The following SFXN1 variants were observed in gnomAD, a reference collection of about 807,000 sequenced individuals.
The protein encoded by SFXN1 is sideroflexin-1.
SFXN1 carries 32 observed loss-of-function variants against 39.5 expected under a neutral mutation model. The ratio of observed to expected loss-of-function variants is 0.81; its 90% CI spans 0.61 to 1.09. The LOEUF is 1.09. Among genes scored for constraint, SFXN1 ranks in the 50% least tolerant of loss-of-function variants. The probability of loss-of-function intolerance (pLI) is 0.00; values close to 1 mark genes in which losing one functional copy is unlikely to be tolerated. For missense variants in SFXN1, 402 were observed against 407.1 expected, an observed-to-expected ratio of 0.99 and a Z score of 0.11; for synonymous variants, 136 against 146.5, an observed-to-expected ratio of 0.93 and a Z score of 0.52.
At chr5:175,501,962 T>A (rs1271692262) in intron 2 of SFXN1, among the ~76,000 whole-genome samples, 1 of 152,168 alleles carries the variant, frequency 6.6e-6, no homozygotes, top group Non-Finnish European at 1.5e-5. Flanking sequence ...CCCGACTGAT[T>A]CGGTGATCAG....
intron 1 of SFXN1, among the ~76,000 whole-genome samples, chr5:175,488,551 G>C (rs184433792): frequency 1.3e-5 from 2 of 151,974 alleles, no homozygotes; most frequent in East Asian, 1.9e-4. Flanking sequence ...CGCCCGCCTC[G>C]GCCTTCCAAA....
At chr5:175,499,002 C>T (rs267363) in intron 2 of SFXN1, among the ~76,000 whole-genome samples, 10,584 of 152,250 alleles carry the variant, frequency 0.07, 1,231 homozygotes, top group African/African-American at 0.24. Context: ...CGCCTGTAAT[C>T]CCAGCACTTT....
chr5:175,479,654 A>G (rs935873835), intron 1 of SFXN1, among the ~76,000 whole-genome samples: 1 of 152,170 alleles, frequency 6.6e-6, no homozygotes, highest in Non-Finnish European at 1.5e-5. Flanking sequence ...TCCCCTGCGC[A>G]TAACAATTGC....
At chr5:175,525,805 G>A (rs1761041162) in intron 10 of SFXN1, 2 of 151,930 alleles carry the variant, frequency 1.3e-5, no homozygotes, top group Admixed American at 1.3e-4. Context: ...CAAAAATTTG[G>A]GTCTCACCAG....
At chr5:175,506,579 A>G (rs1760307364) in intron 2 of SFXN1, among the ~76,000 whole-genome samples, 1 of 152,234 alleles carries the variant, frequency 6.6e-6, no homozygotes, top group Non-Finnish European at 1.5e-5. Flanking sequence ...GAAGCAATTA[A>G]TATGCCCAAC....
intron 8 of SFXN1, among the ~76,000 whole-genome samples, chr5:175,519,398 A>G (rs901968559): frequency 6.6e-6 from 1 of 152,240 alleles, no homozygotes; most frequent in Non-Finnish European, 1.5e-5. Flanking sequence ...ACGAATATTC[A>G]TAGCAGCTTT....
rs770616083 is a variant in SFXN1, at chr5:175,524,549, GA to G, written c.873-2088del. 1.4e-3 allele frequency among the ~76,000 whole-genome samples: 218 copies of G among 151,416 alleles called. 1 individual carries two copies. Among genetic ancestry groups the G allele is most frequent in the Non-Finnish European group, 1.9e-3 (131 of 67,910 alleles). On this transcript the variant is annotated intron_variant, in intron 10 of 10. Coordinates refer to ENST00000321442, the MANE Select transcript of SFXN1 (RefSeq NM_022754.7). ...AAGCAGCAAATGTGTTGCTTTGAGA[GA>G]TATTTATAGCTTTAAATGTTTATAT...
chr5:175,524,496 G>A (rs1332268621), intron 10 of SFXN1, among the ~76,000 whole-genome samples: 1 of 151,884 alleles, frequency 6.6e-6, no homozygotes, highest in East Asian at 1.9e-4. Context: ...AAGTGATAAT[G>A]AAAACATTCT....
intron 1 of SFXN1, among the ~76,000 whole-genome samples, chr5:175,488,305 C>CT (rs541900398): frequency 0.014 from 2,010 of 143,218 alleles, 23 homozygotes; most frequent in African/African-American, 0.026. Context: ...AGATGCATTT[C>CT]TTTTTTTTTT....
chr5:175,491,461 T>G (rs1759652358), intron 1 of SFXN1: 1 of 151,270 alleles, frequency 6.6e-6, no homozygotes, highest in Non-Finnish European at 1.5e-5. Context: ...TGTTACTGTT[T>G]TTATTTATTT....
At chr5:175,489,908 G>A (rs1005158822) in intron 1 of SFXN1, among the ~76,000 whole-genome samples, 5 of 152,106 alleles carry the variant, frequency 3.3e-5, no homozygotes, top group South Asian at 2.1e-4. Context: ...GCCTGCCCTC[G>A]GGCCCAGGTG....
chr5:175,479,598 TCTC>T (rs1355571466), intron 1 of SFXN1, among the ~76,000 whole-genome samples: 1 of 152,144 alleles, frequency 6.6e-6, no homozygotes, highest in Admixed American at 6.6e-5. Flanking sequence ...CATGTTTTCT[TCTC>T]CTCATGTGAA....
chr5:175,508,853 T>A (rs1417608013), intron 2 of SFXN1, among the ~76,000 whole-genome samples, 179 bp from the exon 3 acceptor site: 2 of 151,884 alleles, frequency 1.3e-5, no homozygotes, highest in Non-Finnish European at 2.9e-5. Flanking sequence ...GCCAGGATGA[T>A]CTCTATCTCT....
At chr5:175,504,661 A>G (rs1760219209) in intron 2 of SFXN1, among the ~76,000 whole-genome samples, 1 of 152,188 alleles carries the variant, frequency 6.6e-6, no homozygotes, top group Non-Finnish European at 1.5e-5. Flanking sequence ...TAATAGACAC[A>G]ATGGTAGTTT....
intron 6 of SFXN1, among the ~76,000 whole-genome samples, 160 bp downstream of exon 6, chr5:175,512,356 A>T (rs1760552046): frequency 6.6e-6 from 1 of 152,208 alleles, no homozygotes; most frequent in Admixed American, 6.6e-5. Flanking sequence ...GTTGGGGATG[A>T]GGATGGGCGT....
rs970838920 is a variant in SFXN1 at position 175,527,863 on chromosome 5, C to G, written c.*1129C>G. The G allele has an allele frequency of 5.9e-5, 9 of 151,806 alleles. No individual in the cohort carries two copies. Among genetic ancestry groups the G allele is most frequent in the African/African-American group, 2.2e-4 (9 of 41,276 alleles). The allele number at this position is 151,806 out of a possible 1,614,324, so 9.4% of individuals were successfully genotyped here. On this transcript the variant is annotated 3_prime_UTR_variant, in exon 11 of 11. Coordinates refer to ENST00000321442, the MANE Select transcript of SFXN1 (RefSeq NM_022754.7). ...TGTTTAACGTCATAGACAGTTGGCCCTCTGTATCCGTGAGCTCTATATCTG... is the reference window on the plus strand; with the variant it reads ...TGTTTAACGTCATAGACAGTTGGCCGTCTGTATCCGTGAGCTCTATATCTG...
chr5:175,510,015 C>T (rs756443887), intron 3 of SFXN1, 94 bp from the exon 4 acceptor site: 53 of 952,000 alleles, frequency 5.6e-5, no homozygotes, highest in South Asian at 1.2e-4. Context: ...TTCCCCAGTA[C>T]GTCTCCTCTC....
chr5:175,491,985 TAGGA>T, intron 1 of SFXN1, 106 bp from the exon 2 acceptor site: 1 of 643,258 alleles, frequency 1.6e-6, no homozygotes, highest in Non-Finnish European at 2.4e-6. Flanking sequence ...TCTTTATAAA[TAGGA>T]AGAGTATGTA....
chr5:175,479,157 G>A (rs1759140240), intron 1 of SFXN1, among the ~76,000 whole-genome samples: 1 of 152,264 alleles, frequency 6.6e-6, no homozygotes, highest in Non-Finnish European at 1.5e-5. Context: ...CAAGGAAGTA[G>A]ATTCTTGGAG....
Sources: allele counts gnomAD v4.1 joint callset (sites outside exome capture counted in the v4.1 genomes callset), GRCh38; gene constraint gnomAD v4.1.1; transcripts MANE v1.5; gene names NCBI Gene and HGNC (gene_info 2026-07-23, HGNC 2026-07-21).